The following PTPRJ variants were observed in gnomAD, a reference collection of about 807,000 sequenced individuals.
PTPRJ encodes the protein receptor-type tyrosine-protein phosphatase eta.
Under a neutral mutation model 141.3 loss-of-function variants are expected in PTPRJ, and 129 were observed. That is an observed-to-expected ratio of 0.91 (90% CI 0.79 to 1.06). The LOEUF is 1.06. Among genes scored for constraint, PTPRJ ranks in the 50% least tolerant of loss-of-function variants. PTPRJ has a pLI of 0.00. For missense variants in PTPRJ, 1,601 were observed against 1,679.7 expected, an observed-to-expected ratio of 0.95 and a Z score of 0.82; for synonymous variants, 610 against 640.5, an observed-to-expected ratio of 0.95 and a Z score of 0.72.
At chr11:48,076,138 T>C (rs114150492) in intron 1 of PTPRJ, among the ~76,000 whole-genome samples, 2 of 152,316 alleles carry the variant, frequency 1.3e-5, no homozygotes, top group African/African-American at 4.8e-5. Flanking sequence ...GGGAGTGATC[T>C]TGAGTGGGTC....
chr11:48,163,776 C>T (rs1857843931), intron 23 of PTPRJ, among the ~76,000 whole-genome samples, 158 bp downstream of exon 23: 2 of 152,206 alleles, frequency 1.3e-5, no homozygotes, highest in South Asian at 2.1e-4. Context: ...AAGCCCTGAG[C>T]TTCCAAAACA....
rs74576469 is a variant in PTPRJ at position 48,081,044 on chromosome 11, C to T, written c.97-29014C>T. Among the ~76,000 whole-genome samples, 85 of 152,350 alleles carry T rather than the reference C, an allele frequency of 5.6e-4. No homozygotes were observed. In the East Asian group the frequency reaches 0.011, roughly 19 times the overall value. On this transcript the variant is annotated intron_variant, in intron 1 of 24. Coordinates refer to ENST00000418331, the MANE Select transcript of PTPRJ (RefSeq NM_002843.4). ...AGATCAAAACTCCTGAGCCCTACTC[C>T]TGGTGATTGACTCCTAGGTTTGGGG...
At chr11:48,091,098 C>T (rs749439126) in intron 1 of PTPRJ, among the ~76,000 whole-genome samples, 4 of 152,136 alleles carry the variant, frequency 2.6e-5, no homozygotes, top group Admixed American at 6.5e-5. Flanking sequence ...TGATGAAAGG[C>T]GGAGGGTGTG....
chr11:48,096,846 C>T (rs1470780472), intron 1 of PTPRJ: 1 of 154,802 alleles, frequency 6.5e-6, no homozygotes, highest in Non-Finnish European at 1.5e-5. Flanking sequence ...TTTGTTTTTA[C>T]CAAGTTCCCT....
At chr11:48,120,195 G>A (rs1194318279) in intron 3 of PTPRJ, among the ~76,000 whole-genome samples, 1 of 152,194 alleles carries the variant, frequency 6.6e-6, no homozygotes, top group Non-Finnish European at 1.5e-5. Context: ...GAGGTTTGAA[G>A]GGACTAATTC....
At position 48,068,896 on chromosome 11, in the gene PTPRJ, A is replaced by G. The variant is rs1471834130; in HGVS notation, c.97-41162A>G. Among the ~76,000 whole-genome samples the G allele has an allele frequency of 2.0e-5, 3 of 152,130 alleles. No homozygotes were observed. In the East Asian group the frequency reaches 5.8e-4, roughly 29 times the overall value. On this transcript the variant is annotated intron_variant, in intron 1 of 24. Coordinates refer to ENST00000418331, the MANE Select transcript of PTPRJ (RefSeq NM_002843.4). Reference sequence around the variant, plus strand: ...AGATTAAATGAGAAAAGGCATGGAAACTGCCTTTGCACACAGCCTGGTATA... The same window carrying G: ...AGATTAAATGAGAAAAGGCATGGAAGCTGCCTTTGCACACAGCCTGGTATA...
chr11:48,163,660 A>G, intron 23 of PTPRJ, 42 bp downstream of exon 23: 4 of 1,570,794 alleles, frequency 2.5e-6, no homozygotes, highest in Non-Finnish European at 3.5e-6. Context: ...TTCAAATGTC[A>G]TTATATATTT....
Position 48,149,483 on chromosome 11 carries a change from AAT to A in PTPRJ, c.3037_3038del (p.Ile1013Ter). 1.3e-6 allele frequency: 2 copies of A among 1,502,130 alleles called. No individual in the cohort carries two copies. The highest frequency in any genetic ancestry group is 1.8e-6 in the Non-Finnish European group (2 of 1,092,282). 93.1% of individuals were successfully genotyped at this position (1,502,130 alleles called of 1,614,324 possible). A position where few individuals can be genotyped will look rare whatever the true frequency, so the allele number is the denominator to read the frequency against. ...AGAATAATGAAGTGTCCTTTTCTCA[AAT>A]TAAGTAAGTCTCTCAAATTATGAGC... ...AKNNEVSFSQIKPKKSKLIRV... is the reference protein window; with the variant it reads ...AKNNEVSFSQXKPKKSKLIRV... On this transcript the variant is annotated frameshift_variant, in exon 16 of 25. Coordinates refer to ENST00000418331, the MANE Select transcript of PTPRJ (RefSeq NM_002843.4). LOFTEE classifies it high-confidence loss of function.
intron 3 of PTPRJ, among the ~76,000 whole-genome samples, chr11:48,120,522 T>A (rs536342139): frequency 1.3e-5 from 2 of 152,072 alleles, no homozygotes; most frequent in African/African-American, 4.8e-5. Context: ...ACCTCCCGGG[T>A]TCAAGTGATT....
intron 1 of PTPRJ, among the ~76,000 whole-genome samples, chr11:48,092,294 CAAAAAAAAAAAAAAAAAAAAAAAGAA>C (rs2096765279): frequency 6.4e-5 from 3 of 46,956 alleles, no homozygotes; most frequent in African/African-American, 2.2e-4. Context: ...GATTTCATCT[CAAAAAAAAAAAAAAAAAAAAAAAGAA>C]AAAGAAAAAA....
At chr11:48,062,532 A>C (rs1226588103) in intron 1 of PTPRJ, among the ~76,000 whole-genome samples, 1 of 152,038 alleles carries the variant, frequency 6.6e-6, no homozygotes, top group Non-Finnish European at 1.5e-5. Flanking sequence ...ACCAAAAAAA[A>C]CAGTGCTTGT....
intron 1 of PTPRJ, among the ~76,000 whole-genome samples, chr11:48,070,035 A>T (rs1321537738): frequency 2.0e-5 from 3 of 152,242 alleles, no homozygotes; most frequent in Non-Finnish European, 4.4e-5. Context: ...TATCTGCCAC[A>T]TTGAGAAACA....
intron 1 of PTPRJ, among the ~76,000 whole-genome samples, chr11:48,029,389 G>T (rs894653079): frequency 1.3e-5 from 2 of 152,158 alleles, no homozygotes; most frequent in African/African-American, 2.4e-5. Context: ...CATACAGAAA[G>T]GCAGAAGGAA....
In PTPRJ at chr11:48,144,692, G is replaced by T. The variant is rs1193079715; in HGVS notation, c.2593G>T (p.Asp865Tyr). 3.1e-6 allele frequency: 5 copies of T among 1,613,954 alleles called. No individual in the cohort carries two copies. The highest frequency in any genetic ancestry group is 1.7e-4 in the Middle Eastern group (1 of 6,060). Reference protein sequence around the residue: ...TTGEAGHPSADVLKYTYEDFK... With the variant: ...TTGEAGHPSAYVLKYTYEDFK... ...TTTCTTAGCTGGTCACCCTTCTGCA[G>T]ATGTCCTGAAATACACGTATGAGGA... Residue 865 changes from aspartate to tyrosine, a missense_variant, in exon 13 of 25, where the codon GAT becomes TAT. Transcript: ENST00000418331.
At chr11:48,065,196 T>G (rs1434125123) in intron 1 of PTPRJ, among the ~76,000 whole-genome samples, 1 of 151,738 alleles carries the variant, frequency 6.6e-6, no homozygotes, top group Non-Finnish European at 1.5e-5. Context: ...GTATTTTTAG[T>G]GGAAAAGCGG....
chr11:48,089,326 G>A (rs753968374), intron 1 of PTPRJ, among the ~76,000 whole-genome samples: 5 of 152,014 alleles, frequency 3.3e-5, no homozygotes, highest in African/African-American at 7.2e-5. Context: ...AGACTAGCCC[G>A]GGGAACATGG....
At position 48,062,964 on chromosome 11, in the gene PTPRJ, TGAGG is replaced by T. The variant is rs1249373592; in HGVS notation, c.97-47092_97-47089del. Among the ~76,000 whole-genome samples, 5 of 152,200 alleles carry T rather than the reference TGAGG, an allele frequency of 3.3e-5. No individual in the cohort carries two copies. The East Asian group carries it at 9.6e-4, about 29-fold the overall frequency. ...CAAGGTAAGAGCAGATTTGTATGAA[TGAGG>T]GTGTCAGGGAATATCTTAGATGTCC... On this transcript the variant is annotated intron_variant, in intron 1 of 24. Transcript: ENST00000418331.
At chr11:48,023,031 C>T (rs954055261) in intron 1 of PTPRJ, among the ~76,000 whole-genome samples, 9 of 151,984 alleles carry the variant, frequency 5.9e-5, no homozygotes, top group African/African-American at 2.2e-4. Flanking sequence ...ACAATTTTGT[C>T]CAAATGGTAT....
chr11:47,984,175 A>G lies in PTPRJ; in HGVS notation c.96+3167A>G, dbSNP rs1160310026. 2.0e-5 allele frequency among the ~76,000 whole-genome samples: 3 copies of G among 152,340 alleles called. No individual in the cohort carries two copies. The East Asian group carries it at 5.8e-4, about 29-fold the overall frequency. ...GCCCCACGATAAAGATAACCATGGA[A>G]TACCCAAGCTTTCCTAAGCAGAGAG... is the stretch of plus-strand genomic sequence containing the variant. On this transcript the variant is annotated intron_variant, in intron 1 of 24. Transcript: ENST00000418331.
Sources: gnomAD v4.1 joint callset for allele counts (sites outside exome capture counted in the v4.1 genomes callset) on GRCh38, gnomAD v4.1.1 for gene constraint, MANE v1.5 for transcripts, NCBI Gene and HGNC (gene_info 2026-07-23, HGNC 2026-07-21) for gene names.